Variants in CA8 observed in about 807,000 individuals in gnomAD.
CA8 encodes the protein carbonic anhydrase 8 (inactive).
CA8 carries 22 observed loss-of-function variants against 41.4 expected under a neutral mutation model. The ratio of observed to expected loss-of-function variants is 0.53; its 90% confidence interval spans 0.38 to 0.76. The LOEUF (loss-of-function observed/expected upper bound fraction) is 0.76. Ranked by LOEUF, CA8 falls within the 30% of genes least tolerant of loss-of-function variation. The pLI is 0.00. For synonymous variants in CA8, 121 were observed against 130.6 expected, an observed-to-expected ratio of 0.93 and a Z score of 0.50; for missense variants, 270 against 352.8, an observed-to-expected ratio of 0.77 and a Z score of 1.88.
intron 7 of CA8, among the ~76,000 whole-genome samples, chr8:60,221,016 G>T (rs541480689): frequency 2.2e-4 from 33 of 152,302 alleles, no homozygotes; most frequent in African/African-American, 7.9e-4. Flanking sequence ...CACACATGTT[G>T]AATTTTATGT....
chr8:60,248,096 G>GT (rs530676757), intron 3 of CA8, among the ~76,000 whole-genome samples: 10,656 of 146,172 alleles, frequency 0.073, 1,149 homozygotes, highest in African/African-American at 0.24. Flanking sequence ...AGTTTTTGAT[G>GT]TTTTTTTTTT....
chr8:60,199,964 T>G (rs2130393993), intron 8 of CA8, among the ~76,000 whole-genome samples: 1 of 152,346 alleles, frequency 6.6e-6, no homozygotes, highest in East Asian at 1.9e-4. Flanking sequence ...GTGTTTACCT[T>G]TCTGTTACAT....
In CA8 at chr8:60,281,399, C is replaced by G. The variant is rs985415913; in HGVS notation, c.-252G>C. ...AGCAGAGCGAGGGAGCGGCTGTGGC[C>G]TGGGGAGCGAGCGCCTGGCGAATTT... On this transcript the variant is annotated 5_prime_UTR_variant, in exon 1 of 9. Transcript: ENST00000317995. 6 of 519,834 alleles carry G rather than the reference C, an allele frequency of 1.2e-5. No individual in the cohort carries two copies. Among genetic ancestry groups the G allele is most frequent in the Non-Finnish European group, 2.1e-5 (6 of 290,402 alleles). The allele number at this position is 519,834 out of a possible 1,614,324, so 32.2% of individuals were successfully genotyped here.
intron 8 of CA8, among the ~76,000 whole-genome samples, chr8:60,196,438 A>G (rs1366801659): frequency 1.3e-5 from 2 of 152,166 alleles, no homozygotes; most frequent in African/African-American, 2.4e-5. Context: ...AACAGCAAAT[A>G]GAGGTGCTGT....
At chr8:60,278,110 G>A (rs915514875) in intron 2 of CA8, among the ~76,000 whole-genome samples, 7 of 113,934 alleles carry the variant, frequency 6.1e-5, no homozygotes, top group Non-Finnish European at 1.7e-5. Context: ...GAGTGAGGCA[G>A]AAGATTAAAG....
intron 3 of CA8, among the ~76,000 whole-genome samples, chr8:60,262,448 C>A (rs758914363): frequency 5.3e-5 from 8 of 151,924 alleles, no homozygotes; most frequent in Non-Finnish European, 8.8e-5. Flanking sequence ...AACAAACACA[C>A]AAGAATTAAT....
At chr8:60,238,806 A>C (rs983813241) in intron 3 of CA8, among the ~76,000 whole-genome samples, 1 of 151,972 alleles carries the variant, frequency 6.6e-6, no homozygotes, top group African/African-American at 2.4e-5. Flanking sequence ...CTGACTCCTC[A>C]CAACAGCCTC....
At chr8:60,280,915 C>A in intron 1 of CA8, 133 bp downstream of exon 1, 1 of 711,844 alleles carries the variant, frequency 1.4e-6, no homozygotes, top group Non-Finnish European at 2.5e-6. Context: ...GGGAAAGTGG[C>A]AGAGACCCCC....
chr8:60,222,542 TATGACTG>T (rs1381584307), intron 7 of CA8, 100 bp downstream of exon 7: 6 of 740,748 alleles, frequency 8.1e-6, no homozygotes, highest in Non-Finnish European at 1.5e-5. Flanking sequence ...TCTGGAAAGG[TATGACTG>T]ATCTACAGGA....
At chr8:60,249,148 C>T (rs1255013287) in intron 3 of CA8, among the ~76,000 whole-genome samples, 7 of 152,114 alleles carry the variant, frequency 4.6e-5, no homozygotes, top group Non-Finnish European at 8.8e-5. Flanking sequence ...CCCTCCCTTA[C>T]ATTTAACCAT....
At chr8:60,234,907 T>C (rs1382666149) in intron 3 of CA8, among the ~76,000 whole-genome samples, 1 of 152,216 alleles carries the variant, frequency 6.6e-6, no homozygotes. Flanking sequence ...ACCCCCTTTC[T>C]ACACCAGTAG....
intron 8 of CA8, among the ~76,000 whole-genome samples, chr8:60,190,798 G>C (rs1806098663): frequency 6.7e-6 from 1 of 150,216 alleles, no homozygotes. Context: ...CTCCTTCTGG[G>C]CAATGTCCTT....
chr8:60,240,445 C>T (rs1159905096), intron 3 of CA8, among the ~76,000 whole-genome samples: 1 of 152,196 alleles, frequency 6.6e-6, no homozygotes, highest in Admixed American at 6.5e-5. Context: ...GAGCAAAGCT[C>T]ACCTTTGACT....
chr8:60,190,332 T>TA (rs1447074916), intron 8 of CA8, among the ~76,000 whole-genome samples: 1 of 150,516 alleles, frequency 6.6e-6, no homozygotes, highest in East Asian at 1.9e-4. Flanking sequence ...TCATTTCACA[T>TA]ATAATAATCA....
At position 60,187,535 on chromosome 8, in the gene CA8, A is replaced by C. The variant is rs1489172114; in HGVS notation, c.*2486T>G. The C allele has an allele frequency of 6.6e-6, 1 of 151,858 alleles. No individual in the cohort carries two copies. The highest frequency in any genetic ancestry group is 1.5e-5 in the Non-Finnish European group (1 of 67,936). 9.4% of individuals were successfully genotyped at this position (151,858 alleles called of 1,614,324 possible). On this transcript the variant is annotated 3_prime_UTR_variant, in exon 9 of 9. Transcript: ENST00000317995. Reference sequence around the variant, plus strand: ...AGAGAATACAAACACAATAGAGAAAACCCCAAAATCCACTTTGGCTCCTTG... The same window carrying C: ...AGAGAATACAAACACAATAGAGAAACCCCCAAAATCCACTTTGGCTCCTTG...
chr8:60,275,521 C>T (rs954387724), intron 2 of CA8, among the ~76,000 whole-genome samples: 5 of 146,968 alleles, frequency 3.4e-5, no homozygotes, highest in African/African-American at 1.3e-4. Flanking sequence ...AAATTAAAAA[C>T]AAGAAAGCAG....
intron 3 of CA8, among the ~76,000 whole-genome samples, chr8:60,253,499 C>T (rs1808519295): frequency 6.6e-6 from 1 of 152,168 alleles, no homozygotes; most frequent in Admixed American, 6.5e-5. Flanking sequence ...TCTCACACCA[C>T]CTCTTCTTTT....
intron 3 of CA8, among the ~76,000 whole-genome samples, chr8:60,246,404 T>C (rs1250437777): frequency 1.3e-5 from 2 of 152,126 alleles, no homozygotes; most frequent in Non-Finnish European, 2.9e-5. Context: ...GCAATTCTTG[T>C]GCCTCAGGCA....
At chr8:60,263,533 A>C (rs7002077) in intron 3 of CA8, among the ~76,000 whole-genome samples, 76,978 of 151,778 alleles carry the variant, frequency 0.51, 21,605 homozygotes, top group African/African-American at 0.77. Context: ...CTCAAAAAAA[A>C]CAAAAAACAA....
Sources: gnomAD v4.1 joint callset for allele counts (sites outside exome capture counted in the v4.1 genomes callset) on GRCh38, gnomAD v4.1.1 for gene constraint, MANE v1.5 for transcripts, NCBI Gene and HGNC (gene_info 2026-07-23, HGNC 2026-07-21) for gene names.